The following EFR3A variants were observed in gnomAD, a reference collection of about 807,000 sequenced individuals.
The protein encoded by EFR3A is EFR3 homolog A.
A neutral mutation model predicts 104.4 loss-of-function variants in EFR3A; 76 were observed. That is an observed-to-expected ratio of 0.73 (90% CI 0.60 to 0.88). The LOEUF (loss-of-function observed/expected upper bound fraction) is 0.88. Ranked by LOEUF, EFR3A falls within the 40% of genes least tolerant of loss-of-function variation. EFR3A has a pLI of 0.00. For missense variants in EFR3A, 985 were observed against 1,012.5 expected (o/e 0.97, Z 0.37); for synonymous variants, 330 against 330.0 (o/e 1.00, Z 0.00).
intron 2 of EFR3A, among the ~76,000 whole-genome samples, chr8:131,943,205 C>T (rs1232580633): frequency 3.3e-5 from 5 of 151,934 alleles, no homozygotes; most frequent in African/African-American, 1.2e-4. Flanking sequence ...AAAAAATAGC[C>T]AAAGTTGAAA....
At chr8:131,998,222 T>C (rs1821593794) in intron 19 of EFR3A, among the ~76,000 whole-genome samples, 1 of 152,030 alleles carries the variant, frequency 6.6e-6, no homozygotes, top group Non-Finnish European at 1.5e-5. Context: ...ATTACTTTCA[T>C]ATAATGGACA....
rs10569128 is a variant in EFR3A, at chr8:131,986,789, CA to C, written c.1937+547del. 5.6e-3 allele frequency among the ~76,000 whole-genome samples: 382 copies of C among 67,974 alleles called. 2 individuals carry two copies. Among genetic ancestry groups the C allele is most frequent in the African/African-American group, 0.014 (269 of 19,854 alleles). 44.6% of individuals were successfully genotyped at this position (67,974 alleles called of 152,430 possible). On this transcript the variant is annotated intron_variant, in intron 17 of 22. Coordinates refer to ENST00000254624, the MANE Select transcript of EFR3A (RefSeq NM_015137.6). ...AAAAGAGCAGAGCGAGACTCCATCT[CA>C]AAAAAAAAAAAAAAAAAAGAATAAG... is the stretch of plus-strand genomic sequence containing the variant.
chr8:131,991,951 G>A (rs552292554), intron 18 of EFR3A, among the ~76,000 whole-genome samples: 21 of 152,262 alleles, frequency 1.4e-4, no homozygotes, highest in African/African-American at 5.1e-4. Context: ...GATCACCTTT[G>A]AGACAACACT....
At chr8:131,981,179 CT>C (rs1253562698) in intron 14 of EFR3A, among the ~76,000 whole-genome samples, 2 of 151,828 alleles carry the variant, frequency 1.3e-5, no homozygotes, top group Non-Finnish European at 2.9e-5. Context: ...GAGTTTTTGA[CT>C]TTATGCAATG....
At chr8:131,909,308 T>C (rs1347227429) in intron 1 of EFR3A, among the ~76,000 whole-genome samples, 1 of 152,174 alleles carries the variant, frequency 6.6e-6, no homozygotes, top group East Asian at 1.9e-4. Context: ...CCCAGCACTT[T>C]GGGAGGCCAA....
chr8:131,938,613 T>C (rs913106221), intron 1 of EFR3A, among the ~76,000 whole-genome samples: 1 of 152,172 alleles, frequency 6.6e-6, no homozygotes, highest in African/African-American at 2.4e-5. Flanking sequence ...TATATGGCAA[T>C]GCATCCCTCA....
intron 6 of EFR3A, among the ~76,000 whole-genome samples, 152 bp from the exon 7 acceptor site, chr8:131,955,616 G>A (rs2270872): frequency 0.1 from 15,233 of 152,154 alleles, 905 homozygotes; most frequent in South Asian, 0.22. Context: ...TTTTGGTGGT[G>A]TTAAATTCAT....
Position 131,953,942 on chromosome 8 carries a change from A to G in EFR3A, c.613A>G (p.Met205Val). 6.4e-7 allele frequency: 1 copy of G among 1,555,038 alleles called. No individual in the cohort carries two copies. The highest frequency in any genetic ancestry group is 8.7e-7 in the Non-Finnish European group (1 of 1,150,354). The change falls in exon 6 of 23, where the codon ATG becomes GTG. Residue 205 changes from methionine (M) to valine (V), a missense_variant. Transcript: ENST00000254624. The stretch of plus-strand genomic sequence containing the variant: ...GATTGTTCCATCCCTCCTGTTTAAC[A>G]TGCAAAAGATAGAAGAAGTTGACAG... ...DKIVPSLLFN[M>V]QKIEEVDSRI...
At chr8:131,995,055 G>A (rs1821404741) in intron 18 of EFR3A, among the ~76,000 whole-genome samples, 1 of 152,064 alleles carries the variant, frequency 6.6e-6, no homozygotes, top group South Asian at 2.1e-4. Context: ...CAGAATCAGA[G>A]ACTGACAATG....
chr8:131,981,445 G>A (rs1188629220), intron 14 of EFR3A, among the ~76,000 whole-genome samples: 1 of 151,810 alleles, frequency 6.6e-6, no homozygotes, highest in Non-Finnish European at 1.5e-5. Flanking sequence ...TCCTTTTTGG[G>A]TCTTTCTCTT....
At chr8:131,975,431 T>TTG (rs1820278722) in intron 10 of EFR3A, among the ~76,000 whole-genome samples, 1 of 149,552 alleles carries the variant, frequency 6.7e-6, no homozygotes, top group Non-Finnish European at 1.5e-5. Flanking sequence ...TTTTTTTTTT[T>TTG]TGGAGACAGA....
At chr8:131,919,085 ATTT>A (rs35514095) in intron 1 of EFR3A, among the ~76,000 whole-genome samples, 2 of 148,554 alleles carry the variant, frequency 1.3e-5, no homozygotes, top group African/African-American at 4.9e-5. Context: ...TTTGTCAGTG[ATTT>A]TTTTTTTTTT....
chr8:131,916,154 G>A (rs1220722833), intron 1 of EFR3A, among the ~76,000 whole-genome samples: 3 of 152,168 alleles, frequency 2.0e-5, no homozygotes, highest in Admixed American at 1.3e-4. Flanking sequence ...TCAAAGAAAT[G>A]TAATAGATGT....
At chr8:131,908,190 A>G (rs1259546085) in intron 1 of EFR3A, among the ~76,000 whole-genome samples, 2 of 151,788 alleles carry the variant, frequency 1.3e-5, no homozygotes, top group African/African-American at 4.8e-5. Context: ...CCTCCCTAGT[A>G]GCTGGGACTA....
chr8:131,977,639 A>G (rs149726384), intron 12 of EFR3A, among the ~76,000 whole-genome samples: 1 of 152,322 alleles, frequency 6.6e-6, no homozygotes, highest in African/African-American at 2.4e-5. Context: ...AGCCATTGCT[A>G]GCACATATGC....
intron 7 of EFR3A, among the ~76,000 whole-genome samples, chr8:131,957,593 G>C (rs1819077281): frequency 6.6e-6 from 1 of 152,046 alleles, no homozygotes; most frequent in Admixed American, 6.6e-5. Flanking sequence ...CAGGTGATCT[G>C]CCTGCCTTGG....
intron 20 of EFR3A, among the ~76,000 whole-genome samples, chr8:132,002,355 A>G (rs1563708363): frequency 6.6e-6 from 1 of 152,200 alleles, no homozygotes; most frequent in African/African-American, 2.4e-5. Context: ...AGACAAAGGC[A>G]TTCTGTGAAA....
At chr8:131,958,113 G>A (rs1819116689) in intron 7 of EFR3A, among the ~76,000 whole-genome samples, 1 of 152,100 alleles carries the variant, frequency 6.6e-6, no homozygotes, top group South Asian at 2.1e-4. Flanking sequence ...GTGCATATGC[G>A]AACTATAAGT....
chr8:131,999,717 C>T (rs1393624437), intron 19 of EFR3A, among the ~76,000 whole-genome samples: 1 of 151,416 alleles, frequency 6.6e-6, no homozygotes, highest in African/African-American at 2.4e-5. Context: ...AAAAAAAGAT[C>T]CACAAAAGGG....
Sources: allele counts gnomAD v4.1 joint callset (sites outside exome capture counted in the v4.1 genomes callset), GRCh38; gene constraint gnomAD v4.1.1; transcripts MANE v1.5; gene names NCBI Gene and HGNC (gene_info 2026-07-23, HGNC 2026-07-21).